The following PTPRD variants were observed in gnomAD, a reference collection of about 807,000 sequenced individuals.
The protein encoded by PTPRD is receptor-type tyrosine-protein phosphatase delta.
A neutral mutation model predicts 214.5 loss-of-function variants in PTPRD; 34 were observed. That is an observed-to-expected ratio of 0.16 (90% CI 0.12 to 0.21). The LOEUF is 0.21. Among genes scored for constraint, PTPRD ranks in the 10% least tolerant of loss-of-function variants. The pLI is 1.00. For synonymous variants in PTPRD, 1,128 were observed against 845.7 expected, an observed-to-expected ratio of 1.33 and a Z score of -5.79; for missense variants, 2,545 against 2,398.7, an observed-to-expected ratio of 1.06 and a Z score of -1.27.
At chr9:8,351,690 A>T (rs2075494367) in intron 39 of PTPRD, among the ~76,000 whole-genome samples, 1 of 148,992 alleles carries the variant, frequency 6.7e-6, no homozygotes. Flanking sequence ...TGGATATCAG[A>T]AAGTAAGGGG....
At chr9:8,464,154 G>C (rs951530526) in intron 32 of PTPRD, among the ~76,000 whole-genome samples, 2 of 151,922 alleles carry the variant, frequency 1.3e-5, no homozygotes, top group Non-Finnish European at 2.9e-5. Context: ...CAGTGGTTCA[G>C]TCTGCAGGAT....
intron 9 of PTPRD, among the ~76,000 whole-genome samples, chr9:9,256,346 A>G (rs900940139): frequency 6.6e-6 from 1 of 151,946 alleles, no homozygotes; most frequent in Non-Finnish European, 1.5e-5. Flanking sequence ...CATTTCTTTT[A>G]TCTCCACCTC....
Position 8,504,265 on chromosome 9 carries a change from C to A in PTPRD, c.1818G>T (p.Gln606His), listed in dbSNP as rs2137214545. 6.2e-7 allele frequency: 1 copy of A among 1,614,136 alleles called. No homozygotes were observed. The highest frequency in any genetic ancestry group is 1.1e-5 in the South Asian group (1 of 91,074). The change falls in exon 23 of 46, where the codon CAG becomes CAT. Residue 606 changes from glutamine to histidine, a missense_variant. Coordinates refer to ENST00000381196, the MANE Select transcript of PTPRD (RefSeq NM_002839.4). Reference sequence around the variant, plus strand: ...TAAGCAAAGAGAGACACCTACTTGACTGCATGGTTCTAGCTGATATTTCTG... The same window carrying A: ...TAAGCAAAGAGAGACACCTACTTGAATGCATGGTTCTAGCTGATATTTCTG... ...STAEISARTM[Q>H]SKPSAPPQDI...
intron 11 of PTPRD, among the ~76,000 whole-genome samples, chr9:8,845,204 G>C (rs900770907): frequency 6.6e-6 from 1 of 151,256 alleles, no homozygotes; most frequent in Non-Finnish European, 1.5e-5. Flanking sequence ...ACACAATTCT[G>C]TGTTCCTCTG....
At chr9:9,589,516 G>T (rs2092485129) in intron 7 of PTPRD, among the ~76,000 whole-genome samples, 2 of 151,854 alleles carry the variant, frequency 1.3e-5, no homozygotes, top group Non-Finnish European at 2.9e-5. Flanking sequence ...ATTTTTCTTA[G>T]GAAGTTAATC....
intron 10 of PTPRD, among the ~76,000 whole-genome samples, chr9:9,069,755 C>A (rs1042001656): frequency 2.0e-5 from 3 of 152,096 alleles, no homozygotes; most frequent in Non-Finnish European, 2.9e-5. Context: ...AACATGTATA[C>A]CTCTTAATTT....
intron 9 of PTPRD, among the ~76,000 whole-genome samples, chr9:9,341,712 G>C (rs751860874): frequency 6.6e-6 from 1 of 152,030 alleles, no homozygotes; most frequent in East Asian, 1.9e-4. Context: ...ACCCCTTTCT[G>C]TATTAAAGGA....
intron 11 of PTPRD, among the ~76,000 whole-genome samples, chr9:8,777,111 C>G (rs1043448272): frequency 4.0e-5 from 6 of 151,814 alleles, no homozygotes; most frequent in Non-Finnish European, 5.9e-5. Flanking sequence ...TCCCAAGTAG[C>G]TGGAACTACA....
chr9:8,433,988 CTTGTTTGT>C (rs950672448), intron 35 of PTPRD, among the ~76,000 whole-genome samples: 78 of 130,914 alleles, frequency 6.0e-4, no homozygotes, highest in African/African-American at 2.7e-3. Flanking sequence ...TGTTTGTTTG[CTTGTTTGT>C]TTGTTTGTTT....
chr9:10,571,059 A>C (rs2067278219), intron 2 of PTPRD, among the ~76,000 whole-genome samples: 1 of 152,120 alleles, frequency 6.6e-6, no homozygotes, highest in African/African-American at 2.4e-5. Flanking sequence ...TATTTTATGC[A>C]TATTTGCATT....
At chr9:9,249,012 C>T (rs1333472479) in intron 9 of PTPRD, among the ~76,000 whole-genome samples, 1 of 151,982 alleles carries the variant, frequency 6.6e-6, no homozygotes, top group African/African-American at 2.4e-5. Context: ...GGATATTTGT[C>T]CCCTCCAAAT....
chr9:10,001,894 C>A (rs567934122), intron 4 of PTPRD, among the ~76,000 whole-genome samples: 3 of 151,870 alleles, frequency 2.0e-5, no homozygotes, highest in Non-Finnish European at 4.4e-5. Context: ...GGGAAATATA[C>A]AAGATAATGT....
chr9:10,046,674 A>G (rs1488863506), intron 3 of PTPRD, among the ~76,000 whole-genome samples: 1 of 151,964 alleles, frequency 6.6e-6, no homozygotes, highest in East Asian at 1.9e-4. Context: ...TCAATTAAAC[A>G]TGGACCACTT....
chr9:10,453,013 G>C (rs773072830), intron 2 of PTPRD, among the ~76,000 whole-genome samples: 26 of 151,594 alleles, frequency 1.7e-4, no homozygotes, highest in Non-Finnish European at 1.5e-5. Context: ...TGTGGTATGA[G>C]TTTAATTCCA....
intron 12 of PTPRD, among the ~76,000 whole-genome samples, chr9:8,725,024 T>C (rs2098542649): frequency 6.6e-6 from 1 of 152,224 alleles, no homozygotes; most frequent in South Asian, 2.1e-4. Context: ...TTAACAGTAC[T>C]GTGCAAATGT....
intron 39 of PTPRD, among the ~76,000 whole-genome samples, chr9:8,344,353 T>G (rs1855478164): frequency 6.6e-6 from 1 of 152,030 alleles, no homozygotes; most frequent in Admixed American, 6.6e-5. Context: ...GTCTGGATGA[T>G]GCATGGTTCT....
At chr9:9,399,353 C>G (rs540859012) in intron 8 of PTPRD, among the ~76,000 whole-genome samples, 1 of 152,088 alleles carries the variant, frequency 6.6e-6, no homozygotes, top group Non-Finnish European at 1.5e-5. Context: ...CTTTTCATTC[C>G]AATCCCCTCT....
chr9:10,135,292 T>C (rs1446412096), intron 3 of PTPRD, among the ~76,000 whole-genome samples: 1 of 152,062 alleles, frequency 6.6e-6, no homozygotes, highest in Non-Finnish European at 1.5e-5. Flanking sequence ...TTAAGCAACT[T>C]GGAAACAGTA....
At chr9:10,561,291 C>T (rs999839477) in intron 2 of PTPRD, among the ~76,000 whole-genome samples, 2 of 152,104 alleles carry the variant, frequency 1.3e-5, no homozygotes. Context: ...AAACAGAAGA[C>T]CTGAAGCACT....
Sources: gnomAD v4.1 joint callset for allele counts (sites outside exome capture counted in the v4.1 genomes callset) on GRCh38, gnomAD v4.1.1 for gene constraint, MANE v1.5 for transcripts, NCBI Gene and HGNC (gene_info 2026-07-23, HGNC 2026-07-21) for gene names.